CFAP46: variants seen among roughly 807,000 people sequenced by gnomAD.
The protein encoded by CFAP46 is cilia- and flagella-associated protein 46.
CFAP46 carries 245 observed loss-of-function variants against 325.7 expected under a neutral mutation model. That is an observed-to-expected ratio of 0.75 (90% confidence interval 0.68 to 0.84). The LOEUF is 0.84. Ranked by LOEUF, CFAP46 falls within the 40% of genes least tolerant of loss-of-function variation. CFAP46 has a pLI of 0.00. For missense variants in CFAP46, 3,346 were observed against 3,543.0 expected, an observed-to-expected ratio of 0.94 and a Z score of 1.41; for synonymous variants, 1,523 against 1,495.9, an observed-to-expected ratio of 1.02 and a Z score of -0.42.
intron 10 of CFAP46, among the ~76,000 whole-genome samples, chr10:132,926,060 C>A (rs1223644477): frequency 6.6e-6 from 1 of 152,226 alleles, no homozygotes; most frequent in Admixed American, 6.5e-5. Context: ...TAGTTCCTTT[C>A]CTGGTAGTGG....
At chr10:132,912,487 C>G (rs912799829) in intron 19 of CFAP46, among the ~76,000 whole-genome samples, 168 bp downstream of exon 19, 1 of 136,542 alleles carries the variant, frequency 7.3e-6, no homozygotes, top group Non-Finnish European at 1.6e-5. Context: ...ACATCTCTCT[C>G]TCCTCTTTCA....
intron 24 of CFAP46, chr10:132,898,465 A>G: frequency 3.6e-6 from 1 of 279,352 alleles, no homozygotes; most frequent in Admixed American, 5.0e-5. Flanking sequence ...CCTCTCCTTC[A>G]ACCGTCCTCC....
chr10:132,912,813 C>T lies in CFAP46; in HGVS notation c.2341G>A (p.Val781Met), dbSNP rs760780462. The change falls in exon 19 of 58, where the codon GTG becomes ATG. Residue 781 changes from valine to methionine, a missense_variant. Physicochemically the swap from Val to Met is conservative, Grantham distance 21. Transcript: ENST00000368586. The part of the protein sequence containing the change: ...VKATGHSGDP[V>M]MLVTLCNTLA... Reference sequence around the variant, plus strand: ...GTGTTGCAGAGCGTCACCAGCATCACGGGGTCCCTGGGAGACATGCTTGTC... The same window carrying T: ...GTGTTGCAGAGCGTCACCAGCATCATGGGGTCCCTGGGAGACATGCTTGTC... The T allele has an allele frequency of 9.0e-6, 14 of 1,548,744 alleles. No individual in the cohort carries two copies. In the East Asian group the frequency reaches 1.5e-4, roughly 16 times the overall value.
Position 132,920,094 on chromosome 10 carries a change from G to T in CFAP46, c.1695C>A (p.His565Gln). The T allele has an allele frequency of 6.5e-7, 1 of 1,548,504 alleles. No homozygotes were observed. The highest frequency in any genetic ancestry group is 8.7e-7 in the Non-Finnish European group (1 of 1,146,224). Residue 565 changes from histidine (H) to glutamine (Q), a missense_variant, in exon 14 of 58, where the codon CAC becomes CAA. Transcript: ENST00000368586. ...CGTTTTCGTTGCCCAGGCGCCGCAG[G>T]TGCCCGGCAGCTTTGTCCACGCTGA... ...HTVSVDKAAG[H>Q]LRRLGNENDK... is the part of the protein sequence containing the mutation.
chr10:132,892,286 C>G, intron 25 of CFAP46, 47 bp downstream of exon 25: 1 of 1,530,938 alleles, frequency 6.5e-7, no homozygotes, highest in Non-Finnish European at 8.8e-7. Flanking sequence ...AAGTCCTTCC[C>G]TTTCCTTGTA....
chr10:132,849,419 G>A (rs1337317957), intron 41 of CFAP46, among the ~76,000 whole-genome samples: 5 of 152,212 alleles, frequency 3.3e-5, no homozygotes, highest in Non-Finnish European at 5.9e-5. Context: ...CACATATGGC[G>A]TGGTTGCTCC....
In CFAP46 at chr10:132,810,436, T is replaced by C; in HGVS notation, c.7637A>G (p.Asp2546Gly). Reference sequence around the variant, plus strand: ...TGGTTCACCGCCTCGTCGCCACTCATCTTCTGAAGGAGACGCACTGTTTCT... The same window carrying C: ...TGGTTCACCGCCTCGTCGCCACTCACCTTCTGAAGGAGACGCACTGTTTCT... ...NWRNSASPSE[D>G]EWRRGGEPRR... The change falls in exon 57 of 58, where the codon GAT (aspartate) becomes GGT (glycine). Residue 2546 changes from aspartate to glycine, a missense_variant. Asp to Gly is a moderately conservative substitution (Grantham distance 94). Transcript: ENST00000368586. The C allele has an allele frequency of 6.2e-7, 1 of 1,613,500 alleles. No individual in the cohort carries two copies. The highest frequency in any genetic ancestry group is 8.5e-7 in the Non-Finnish European group (1 of 1,179,966).
chr10:132,906,189 T>C (rs1348804451), intron 22 of CFAP46, among the ~76,000 whole-genome samples: 3 of 152,214 alleles, frequency 2.0e-5, no homozygotes, highest in African/African-American at 4.8e-5. Context: ...CTTGTGAACG[T>C]GGGGCACCAC....
At chr10:132,895,551 T>G (rs1335521135) in intron 24 of CFAP46, among the ~76,000 whole-genome samples, 1 of 151,810 alleles carries the variant, frequency 6.6e-6, no homozygotes, top group African/African-American at 2.4e-5. Flanking sequence ...ACAGATGACA[T>G]GATCCTATAC....
intron 50 of CFAP46, among the ~76,000 whole-genome samples, chr10:132,829,099 AAC>A (rs57921745): frequency 0.028 from 4,170 of 146,460 alleles, 166 homozygotes; most frequent in African/African-American, 0.095. Context: ...AAAAAAAAAA[AAC>A]ATCCTGTGGA....
intron 33 of CFAP46, among the ~76,000 whole-genome samples, chr10:132,868,900 G>C (rs1848855556): frequency 6.6e-6 from 1 of 152,248 alleles, no homozygotes; most frequent in Non-Finnish European, 1.5e-5. Flanking sequence ...CAACAGCTCT[G>C]AAGTGAACTC....
At position 132,866,186 on chromosome 10, in the gene CFAP46, A is replaced by G. The variant is rs1198197760; in HGVS notation, c.4744-15T>C. 4.0e-6 allele frequency: 6 copies of G among 1,502,408 alleles called. No homozygotes were observed. Among genetic ancestry groups the G allele is most frequent in the Non-Finnish European group, 5.3e-6 (6 of 1,121,936 alleles). The allele number at this position is 1,502,408 out of a possible 1,614,324, so 93.1% of individuals were successfully genotyped here. ...ATCTTCAAAATCTGTAAGATACCGC[A>G]GCCCCAGGCGGCACGATCCTGACAC... On this transcript the variant is annotated splice_polypyrimidine_tract_variant and intron_variant, in intron 34 of 57. Transcript: ENST00000368586.
At chr10:132,907,530 CTTAT>C (rs539942370) in intron 22 of CFAP46, among the ~76,000 whole-genome samples, 448 of 152,322 alleles carry the variant, frequency 2.9e-3, no homozygotes, top group African/African-American at 1.0e-2. Flanking sequence ...TGAAATTACC[CTTAT>C]TTATTTTCAA....
chr10:132,916,709 G>A (rs949718643), intron 16 of CFAP46, 27 bp from the exon 17 acceptor site: 13 of 1,429,900 alleles, frequency 9.1e-6, no homozygotes, highest in Middle Eastern at 1.8e-4. Flanking sequence ...CGGTGGGAGG[G>A]GTCATGGGCG....
Position 132,941,034 on chromosome 10 carries a change from C to T in CFAP46, c.333G>A (p.Glu111=). The part of the protein sequence containing the change: ...NLEEFENCVT[E]YMKAINFAKG... ...TGGCAAAGTTTATGGCCTTCATGTA[C>T]TCAGTCACGCAATTTTCAAATTCCT... is the stretch of plus-strand genomic sequence containing the variant. Residue 111 remains glutamate, a synonymous_variant, in exon 4 of 58, where the codon GAG becomes GAA. Transcript: ENST00000368586. 2 of 1,614,158 alleles carry T rather than the reference C, an allele frequency of 1.2e-6. No homozygotes were observed. The highest frequency in any genetic ancestry group is 1.7e-6 in the Non-Finnish European group (2 of 1,180,026).
chr10:132,815,041 C>CA, intron 50 of CFAP46, 127 bp from the exon 51 acceptor site: 1 of 876,270 alleles, frequency 1.1e-6, no homozygotes, highest in South Asian at 1.6e-5. Context: ...GTTGTGAGAA[C>CA]AAGCGGTTTT....
intron 22 of CFAP46, among the ~76,000 whole-genome samples, chr10:132,907,692 T>C (rs1849475937): frequency 2.0e-5 from 3 of 152,140 alleles, no homozygotes; most frequent in Admixed American, 1.3e-4. Flanking sequence ...CCCCTCAAAA[T>C]TCCCATGCTG....
At chr10:132,823,760 G>C (rs1847953091) in intron 50 of CFAP46, among the ~76,000 whole-genome samples, 1 of 83,930 alleles carries the variant, frequency 1.2e-5, no homozygotes. Flanking sequence ...TGTGTGCTGT[G>C]TGTGTGCTGT....
chr10:132,885,125 T>C lies in CFAP46; in HGVS notation c.3605A>G (p.Asn1202Ser). Residue 1202 changes from asparagine (N) to serine (S), a missense_variant, in exon 27 of 58, where the codon AAC becomes AGC. Coordinates refer to ENST00000368586, the MANE Select transcript of CFAP46 (RefSeq NM_001200049.3). Reference protein sequence around the residue: ...PSVSGELACYNNAIQALQKPE... With the variant: ...PSVSGELACYSNAIQALQKPE... The stretch of plus-strand genomic sequence containing the variant: ...CACCTGCAAGGCCTGGATGGCGTTG[T>C]TGTAGCAGGCCAGCTCTCCAGACAC... The C allele has an allele frequency of 6.5e-7, 1 of 1,548,926 alleles. No homozygotes were observed. Among genetic ancestry groups the C allele is most frequent in the Non-Finnish European group, 8.7e-7 (1 of 1,146,128 alleles).
Sources: gnomAD v4.1 joint callset for allele counts (sites outside exome capture counted in the v4.1 genomes callset) on GRCh38, gnomAD v4.1.1 for gene constraint, MANE v1.5 for transcripts, NCBI Gene and HGNC (gene_info 2026-07-23, HGNC 2026-07-21) for gene names.